The following MALT1 variants were observed in gnomAD, a reference collection of about 807,000 sequenced individuals.
The protein encoded by MALT1 is mucosa-associated lymphoid tissue lymphoma translocation protein 1.
MALT1 carries 36 observed loss-of-function variants against 85.5 expected under a neutral mutation model. That is an observed-to-expected ratio of 0.42 (90% CI 0.32 to 0.56). The LOEUF (loss-of-function observed/expected upper bound fraction) is 0.56. Ranked by LOEUF, MALT1 falls within the 20% of genes least tolerant of loss-of-function variation. MALT1 has a pLI of 0.10. For missense variants in MALT1, 716 were observed against 981.6 expected (o/e 0.73, Z 3.62); for synonymous variants, 359 against 361.3 (o/e 0.99, Z 0.07).
chr18:58,705,444 A>C (rs887673342), intron 4 of MALT1, among the ~76,000 whole-genome samples: 5 of 150,088 alleles, frequency 3.3e-5, no homozygotes, highest in Non-Finnish European at 7.4e-5. Flanking sequence ...ATCTAGCATT[A>C]GGTATATCTC....
intron 9 of MALT1, among the ~76,000 whole-genome samples, chr18:58,721,475 C>T (rs748391799): frequency 4.6e-5 from 7 of 152,116 alleles, no homozygotes; most frequent in Admixed American, 2.0e-4. Flanking sequence ...ATTAATAATG[C>T]GGCTTAAGTA....
Position 58,750,147 on chromosome 18 carries a change from A to G in MALT1, c.*2305A>G, listed in dbSNP as rs1167858204. On this transcript the variant is annotated 3_prime_UTR_variant, in exon 17 of 17. Transcript: ENST00000649217. ...AAATGAGTTCAACAGGTTGCAGGATACAAGATCAGTTTTATTTCTCTACTA... is the reference window on the plus strand; with the variant it reads ...AAATGAGTTCAACAGGTTGCAGGATGCAAGATCAGTTTTATTTCTCTACTA... 1 of 180,624 alleles carries G rather than the reference A, an allele frequency of 5.5e-6. No homozygotes were observed. Among genetic ancestry groups the G allele is most frequent in the East Asian group, 9.1e-5 (1 of 11,024 alleles). The allele number at this position is 180,624 out of a possible 1,614,324, so 11.2% of individuals were successfully genotyped here. A position where few individuals can be genotyped will look rare whatever the true frequency, so the allele number is the denominator to read the frequency against.
chr18:58,690,180 C>A (rs1386200471), intron 2 of MALT1, among the ~76,000 whole-genome samples: 1 of 152,196 alleles, frequency 6.6e-6, no homozygotes, highest in African/African-American at 2.4e-5. Context: ...ACCTTGGTAA[C>A]TCTTACAATA....
chr18:58,688,318 ACACACACACG>A (rs956803639), intron 2 of MALT1, among the ~76,000 whole-genome samples: 11 of 141,986 alleles, frequency 7.7e-5, no homozygotes, highest in South Asian at 7.5e-4. Flanking sequence ...ACACACACAC[ACACACACACG>A]CTTATTAATA....
intron 15 of MALT1, among the ~76,000 whole-genome samples, chr18:58,744,931 T>C (rs1265293722): frequency 6.6e-6 from 1 of 151,780 alleles, no homozygotes; most frequent in Non-Finnish European, 1.5e-5. Flanking sequence ...TACGTTGGTC[T>C]AAAGAAGCCA....
intron 10 of MALT1, among the ~76,000 whole-genome samples, chr18:58,726,190 A>G (rs1457261973): frequency 3.3e-5 from 5 of 152,228 alleles, no homozygotes; most frequent in Admixed American, 3.3e-4. Flanking sequence ...GGAGTACAAA[A>G]TAAAGAGGCA....
At chr18:58,715,154 G>T (rs2054881606) in intron 8 of MALT1, among the ~76,000 whole-genome samples, 1 of 152,136 alleles carries the variant, frequency 6.6e-6, no homozygotes, top group African/African-American at 2.4e-5. Flanking sequence ...TACTGGGGGA[G>T]AATAGGGGGT....
At chr18:58,706,238 C>T (rs999771758) in intron 4 of MALT1, among the ~76,000 whole-genome samples, 2 of 152,126 alleles carry the variant, frequency 1.3e-5, no homozygotes, top group Non-Finnish European at 2.9e-5. Flanking sequence ...CTCACTGAAA[C>T]CTCTGCCGCC....
chr18:58,720,516 A>G (rs773771048), intron 9 of MALT1, among the ~76,000 whole-genome samples: 2 of 152,224 alleles, frequency 1.3e-5, no homozygotes, highest in Non-Finnish European at 2.9e-5. Flanking sequence ...TTATCATTGG[A>G]GGAAAATTTT....
In MALT1 at chr18:58,744,567, A is replaced by G. The variant is rs547937001; in HGVS notation, c.1911+72A>G. ...TTAAAGACTAAATTTTTTAAAACTT[A>G]AAGTTGATGGTAAATATAAAGGAAA... On this transcript the variant is annotated intron_variant, in intron 15 of 16. Transcript: ENST00000649217. The G allele has an allele frequency of 2.2e-4, 175 of 806,418 alleles. 2 individuals are homozygous for G. Among genetic ancestry groups the G allele is most frequent in the East Asian group, 1.8e-3 (60 of 34,046 alleles). 50.0% of individuals were successfully genotyped at this position (806,418 alleles called of 1,614,324 possible).
chr18:58,678,262 TTAA>T (rs563156041), intron 1 of MALT1, among the ~76,000 whole-genome samples: 93 of 152,340 alleles, frequency 6.1e-4, no homozygotes, highest in African/African-American at 2.1e-3. Flanking sequence ...TGAATGAGGA[TTAA>T]TATTTCAAGC....
intron 16 of MALT1, among the ~76,000 whole-genome samples, chr18:58,746,095 A>G (rs1015303628): frequency 1.1e-4 from 17 of 152,156 alleles, no homozygotes; most frequent in Admixed American, 1.1e-3. Context: ...ATGACCTACT[A>G]TAACCTCAAA....
intron 1 of MALT1, among the ~76,000 whole-genome samples, chr18:58,676,850 A>G (rs1602269912): frequency 6.6e-6 from 1 of 152,250 alleles, no homozygotes; most frequent in East Asian, 1.9e-4. Context: ...AATAGATCAA[A>G]TTAATGAATA....
intron 2 of MALT1, among the ~76,000 whole-genome samples, chr18:58,686,625 G>C (rs182408888): frequency 1.3e-5 from 2 of 152,188 alleles, no homozygotes; most frequent in East Asian, 3.9e-4. Flanking sequence ...TCTGTGGCAG[G>C]GTCATGTGCC....
Position 58,671,667 on chromosome 18 carries a change from A to G in MALT1, c.24A>G (p.Leu8=). Residue 8 remains leucine, a synonymous_variant, in exon 1 of 17, where the codon CTA becomes CTG. Transcript: ENST00000649217. ...CCATGTCGCTGTTGGGGGACCCGCT[A>G]CAGGCCCTGCCGCCCTCGGCCGCCC... is the stretch of plus-strand genomic sequence containing the variant. MSLLGDP[L]QALPPSAAPT... is the part of the protein sequence containing the mutation. 8.1e-7 allele frequency: 1 copy of G among 1,231,012 alleles called. No homozygotes were observed. The highest frequency in any genetic ancestry group is 1.0e-6 in the Non-Finnish European group (1 of 988,016). 76.3% of individuals were successfully genotyped at this position (1,231,012 alleles called of 1,614,324 possible). A position where few individuals can be genotyped will look rare whatever the true frequency, so the allele number is the denominator to read the frequency against.
chr18:58,732,731 G>C (rs2055167885), intron 10 of MALT1, among the ~76,000 whole-genome samples: 1 of 144,448 alleles, frequency 6.9e-6, no homozygotes, highest in Non-Finnish European at 1.5e-5. Context: ...TCATGGAGGA[G>C]ACAAATGAGT....
In MALT1 at chr18:58,700,484, A is replaced by G. The variant is rs1311825444; in HGVS notation, c.542A>G (p.His181Arg). ...NTSELIFNAV[H>R]VKDAGFYVCR... ...TCAGAGCTTATTTTTAATGCAGTGC[A>G]TGTAAAAGATGCAGGCTTTTATGTC... The change falls in exon 4 of 17, where the codon CAT (histidine) becomes CGT (arginine). Residue 181 changes from histidine to arginine, a missense_variant. Transcript: ENST00000649217. The G allele has an allele frequency of 6.2e-7, 1 of 1,610,812 alleles. No individual in the cohort carries two copies. The highest frequency in any genetic ancestry group is 1.7e-5 in the Admixed American group (1 of 59,224).
intron 13 of MALT1, among the ~76,000 whole-genome samples, chr18:58,737,122 C>T (rs1459187745): frequency 2.6e-5 from 4 of 152,186 alleles, no homozygotes; most frequent in African/African-American, 9.6e-5. Flanking sequence ...AGGAGGATTG[C>T]TTGAGCCCAG....
At chr18:58,678,199 T>A (rs4940736) in intron 1 of MALT1, among the ~76,000 whole-genome samples, 17,982 of 152,152 alleles carry the variant, frequency 0.12, 1,622 homozygotes, top group African/African-American at 0.26. Context: ...GAATTTTAAA[T>A]CTTGGGTAAC....
Sources: allele counts gnomAD v4.1 joint callset (sites outside exome capture counted in the v4.1 genomes callset), GRCh38; gene constraint gnomAD v4.1.1; transcripts MANE v1.5; gene names NCBI Gene and HGNC (gene_info 2026-07-23, HGNC 2026-07-21).